The following SBF2 variants were observed in gnomAD, a reference collection of about 807,000 sequenced individuals.
The protein encoded by SBF2 is SET binding factor 2.
A neutral mutation model predicts 225.2 loss-of-function variants in SBF2; 112 were observed. The ratio of observed to expected loss-of-function variants is 0.50; its 90% CI spans 0.43 to 0.58. The LOEUF is 0.58. Among genes scored for constraint, SBF2 ranks in the 20% least tolerant of loss-of-function variants. The probability of loss-of-function intolerance (pLI) is 0.00; values close to 1 mark genes in which losing one functional copy is unlikely to be tolerated. For missense variants in SBF2, 1,996 were observed against 2,206.2 expected, an observed-to-expected ratio of 0.90 and a Z score of 1.91; for synonymous variants, 763 against 773.3, an observed-to-expected ratio of 0.99 and a Z score of 0.22.
At chr11:9,985,781 A>G (rs1246019823) in intron 13 of SBF2, among the ~76,000 whole-genome samples, 2 of 152,184 alleles carry the variant, frequency 1.3e-5, no homozygotes, top group South Asian at 4.1e-4. Context: ...CAAATTTATA[A>G]AACAATTACT....
intron 1 of SBF2, among the ~76,000 whole-genome samples, chr11:10,256,480 A>C (rs1960876138): frequency 6.6e-6 from 1 of 152,212 alleles, no homozygotes; most frequent in South Asian, 2.1e-4. Flanking sequence ...CACTGATGCC[A>C]GTTCCTGGTC....
chr11:9,809,670 G>A (rs888551875), intron 30 of SBF2, among the ~76,000 whole-genome samples: 1 of 150,820 alleles, frequency 6.6e-6, no homozygotes, highest in Non-Finnish European at 1.5e-5. Context: ...TCAGCCTCCC[G>A]AGTAGCTTGG....
At chr11:9,872,610 C>T (rs1246164742) in intron 17 of SBF2, among the ~76,000 whole-genome samples, 2 of 152,138 alleles carry the variant, frequency 1.3e-5, no homozygotes, top group Non-Finnish European at 2.9e-5. Flanking sequence ...CAATAACCTA[C>T]TACTTCATAT....
intron 6 of SBF2, among the ~76,000 whole-genome samples, chr11:10,013,398 C>T (rs1039188251): frequency 1.3e-5 from 2 of 152,168 alleles, no homozygotes; most frequent in Non-Finnish European, 2.9e-5. Context: ...GGAGAGGGGG[C>T]AACCACCAGA....
At chr11:10,253,391 G>C (rs955965954) in intron 1 of SBF2, among the ~76,000 whole-genome samples, 5 of 152,116 alleles carry the variant, frequency 3.3e-5, no homozygotes, top group Admixed American at 2.6e-4. Flanking sequence ...ATAGACGTAA[G>C]AACTATATAA....
At chr11:10,167,760 G>A (rs913195892) in intron 2 of SBF2, among the ~76,000 whole-genome samples, 5 of 152,254 alleles carry the variant, frequency 3.3e-5, no homozygotes, top group African/African-American at 7.2e-5. Flanking sequence ...GCTCATGCCT[G>A]TAATCCCAGC....
At chr11:10,064,959 C>G (rs769628099) in intron 2 of SBF2, among the ~76,000 whole-genome samples, 3 of 152,170 alleles carry the variant, frequency 2.0e-5, no homozygotes, top group Non-Finnish European at 1.5e-5. Flanking sequence ...CACACAGCAG[C>G]AGCAGAATAT....
chr11:9,821,820 T>A (rs1359261800), intron 28 of SBF2, among the ~76,000 whole-genome samples: 2 of 152,210 alleles, frequency 1.3e-5, no homozygotes, highest in African/African-American at 4.8e-5. Context: ...ACTACCTGAA[T>A]TGTGATATAA....
chr11:10,180,098 T>C (rs1248640793), intron 2 of SBF2, among the ~76,000 whole-genome samples: 1 of 152,204 alleles, frequency 6.6e-6, no homozygotes, highest in African/African-American at 2.4e-5. Context: ...TTATTTTTTA[T>C]TGGTTCATCT....
intron 17 of SBF2, among the ~76,000 whole-genome samples, chr11:9,871,047 G>A (rs1858690556): frequency 6.6e-6 from 1 of 150,656 alleles, no homozygotes; most frequent in African/African-American, 2.4e-5. Context: ...AAAAACCCTA[G>A]GAGAAAATCT....
At chr11:9,908,686 C>CGTGTTGTTG (rs77403152) in intron 16 of SBF2, among the ~76,000 whole-genome samples, 1 of 151,448 alleles carries the variant, frequency 6.6e-6, no homozygotes, top group Non-Finnish European at 1.5e-5. Flanking sequence ...TGTTCATAAT[C>CGTGTTGTTG]TTGTTGTTGC....
At chr11:10,090,764 C>CCAAAAAAAAAAAAAAA (rs1951749539) in intron 2 of SBF2, among the ~76,000 whole-genome samples, 4 of 44,422 alleles carry the variant, frequency 9.0e-5, no homozygotes, top group African/African-American at 3.5e-4. Context: ...GATTCCATCT[C>CCAAAAAAAAAAAAAAA]AAAAAAAAAA....
At chr11:9,942,901 G>GAGAGAGAAAGAA (rs1209099295) in intron 16 of SBF2, among the ~76,000 whole-genome samples, 60 of 101,382 alleles carry the variant, frequency 5.9e-4, no homozygotes, top group African/African-American at 1.9e-3. Flanking sequence ...AAGAGAGAGA[G>GAGAGAGAAAGAA]AGAAAGAAAG....
chr11:10,085,596 G>A (rs565250974), intron 2 of SBF2, among the ~76,000 whole-genome samples: 1 of 151,746 alleles, frequency 6.6e-6, no homozygotes, highest in Non-Finnish European at 1.5e-5. Context: ...TTGAACATTC[G>A]GTATGAACAT....
intron 2 of SBF2, among the ~76,000 whole-genome samples, chr11:10,102,044 A>G (rs1952332406): frequency 6.6e-6 from 1 of 152,128 alleles, no homozygotes; most frequent in African/African-American, 2.4e-5. Context: ...AAGACACGTG[A>G]TTTTAGTAAT....
chr11:9,807,117 T>TAAG (rs1322698591), intron 32 of SBF2, among the ~76,000 whole-genome samples: 4 of 152,224 alleles, frequency 2.6e-5, no homozygotes, highest in Non-Finnish European at 4.4e-5. Flanking sequence ...CCACAAATGT[T>TAAG]TGACATGCCA....
chr11:10,302,507 C>G (rs1236409593), intron 1 of SBF2: 1 of 152,244 alleles, frequency 6.6e-6, no homozygotes, highest in African/African-American at 2.4e-5. Flanking sequence ...GTGCACCAGG[C>G]TGATAAAGTG....
At chr11:9,916,853 A>ACTTACTAACTTACTACCTTTG (rs1863140605) in intron 16 of SBF2, among the ~76,000 whole-genome samples, 56 of 151,888 alleles carry the variant, frequency 3.7e-4, no homozygotes, top group African/African-American at 1.2e-3. Context: ...CCAAGTGCTA[A>ACTTACTAACTTACTACCTTTG]GAGTACAGGA....
chr11:10,153,335 T>C (rs1286707730), intron 2 of SBF2, among the ~76,000 whole-genome samples: 1 of 152,186 alleles, frequency 6.6e-6, no homozygotes, highest in Non-Finnish European at 1.5e-5. Flanking sequence ...ATTTGAATTA[T>C]ACAAATCTAC....
Sources: allele counts gnomAD v4.1 joint callset (sites outside exome capture counted in the v4.1 genomes callset), GRCh38; gene constraint gnomAD v4.1.1; transcripts MANE v1.5; gene names NCBI Gene and HGNC (gene_info 2026-07-23, HGNC 2026-07-21).